The following RTEL1 variants were observed in gnomAD, a reference collection of about 807,000 sequenced individuals.
RTEL1 encodes the protein regulator of telomere elongation helicase 1.
RTEL1 carries 86 observed loss-of-function variants against 162.2 expected under a neutral mutation model. The ratio of observed to expected loss-of-function variants is 0.53; its 90% CI spans 0.45 to 0.63. RTEL1 has a LOEUF of 0.63. Among genes scored for constraint, RTEL1 ranks in the 30% least tolerant of loss-of-function variants. The pLI is 0.00. For missense variants in RTEL1, 1,941 were observed against 1,750.2 expected, an observed-to-expected ratio of 1.11 and a Z score of -1.95; for synonymous variants, 958 against 717.9, an observed-to-expected ratio of 1.33 and a Z score of -5.35.
intron 7 of RTEL1, among the ~76,000 whole-genome samples, chr20:63,666,855 T>C (rs1249441423): frequency 2.3e-4 from 33 of 144,880 alleles, no homozygotes; most frequent in Non-Finnish European, 3.9e-4. Flanking sequence ...TTTTTTTTTT[T>C]TTGAGACGGA....
At chr20:63,684,758 C>G (rs1200080920) in intron 14 of RTEL1, among the ~76,000 whole-genome samples, 1 of 152,132 alleles carries the variant, frequency 6.6e-6, no homozygotes, top group Non-Finnish European at 1.5e-5. Flanking sequence ...CGGGTGTGAG[C>G]CACCACGCCC....
intron 30 of RTEL1, among the ~76,000 whole-genome samples, chr20:63,693,585 ACCACCTCCACCT>A (rs2090865111): frequency 2.5e-4 from 5 of 20,212 alleles, no homozygotes; most frequent in South Asian, 2.0e-3. Context: ...CTCCACCACC[ACCACCTCCACCT>A]CCACCACCAC....
chr20:63,674,019 T>C lies in RTEL1; in HGVS notation c.845T>C (p.Val282Ala). The change falls in exon 10 of 35, where the codon GTG (valine) becomes GCG (alanine). Residue 282 changes from valine to alanine, a missense_variant. By Grantham distance (64) the Val-to-Ala change is moderately conservative. Transcript: ENST00000360203. ...TCAGGACTGGACGTCATAGACCAGG[T>C]GCTGGAGGAGCAGACCAAGGCAGCG... ...LASGLDVIDQ[V>A]LEEQTKAAQQ... The C allele has an allele frequency of 6.2e-7, 1 of 1,614,140 alleles. No individual in the cohort carries two copies. Among genetic ancestry groups the C allele is most frequent in the South Asian group, 1.1e-5 (1 of 91,082 alleles).
chr20:63,688,858 C>T, intron 21 of RTEL1, 197 bp from the exon 22 acceptor site: 1 of 664,990 alleles, frequency 1.5e-6, no homozygotes, highest in Non-Finnish European at 2.6e-6. Flanking sequence ...CCCTGGGGTT[C>T]CCCGTGTTTT....
rs1314353473 is a variant in RTEL1, at chr20:63,668,979, C to T, written c.699+1426C>T. ...CAGCAAGCTCAAGCTGACCCACACG[C>T]ATGTGGTCATTGTTTTTTTTTTCAG... On this transcript the variant is annotated intron_variant, in intron 8 of 34. Transcript: ENST00000360203. The surrounding 1 kb of genome is among the most constrained non-coding windows in gnomAD (Gnocchi z 4.3). Among the ~76,000 whole-genome samples, 1 of 152,136 alleles carries T rather than the reference C, an allele frequency of 6.6e-6. No individual in the cohort carries two copies. The highest frequency in any genetic ancestry group is 2.4e-5 in the African/African-American group (1 of 41,444).
chr20:63,681,778 C>T (rs1233241888), intron 14 of RTEL1: 3 of 985,234 alleles, frequency 3.0e-6, no homozygotes, highest in South Asian at 4.7e-5. Context: ...TGGCCAGTGA[C>T]GCCACAGCCT....
Position 63,678,363 on chromosome 20 carries a change from C to T in RTEL1, c.1037+17C>T, listed in dbSNP as rs2090400518. The T allele has an allele frequency of 6.2e-7, 1 of 1,601,510 alleles. No homozygotes were observed. The highest frequency in any genetic ancestry group is 2.2e-5 in the East Asian group (1 of 44,538). ...GCCAGGGAGGTGAGAGGCGGGGAGC[C>T]AGCCCCTTCACTGCAGGCCCAGCCT... On this transcript the variant is annotated intron_variant, in intron 12 of 34. Transcript: ENST00000360203.
At position 63,692,934 on chromosome 20, in the gene RTEL1, TTC is replaced by T. The variant is rs1568717529; in HGVS notation, c.2783_2784del (p.Phe928CysfsTer13). 1 of 1,612,638 alleles carries T rather than the reference TTC, an allele frequency of 6.2e-7. No homozygotes were observed. The highest frequency in any genetic ancestry group is 1.1e-5 in the South Asian group (1 of 91,088). On this transcript the variant is annotated frameshift_variant, in exon 29 of 35. Transcript: ENST00000360203. LOFTEE classifies it high-confidence loss of function. ...ALQDYKGSDDFAALAACLGPL... is the reference protein window; with the variant it reads ...ALQDYKGSDDXAALAACLGPL... Reference sequence around the variant, plus strand: ...GCAGGACTACAAGGGTTCCGATGACTTCGCCGCCCTGGCCGCCTGTCTCGGCC... The same window carrying T: ...GCAGGACTACAAGGGTTCCGATGACTGCCGCCCTGGCCGCCTGTCTCGGCC...
At chr20:63,660,763 A>C in intron 2 of RTEL1, 1 of 158,832 alleles carries the variant, frequency 6.3e-6, no homozygotes, top group Non-Finnish European at 1.4e-5. Context: ...CATTTCCATT[A>C]GAGGGGCAGC....
Position 63,695,111 on chromosome 20 carries a change from A to G in RTEL1, c.3389A>G (p.Gln1130Arg). 1 of 1,612,320 alleles carries G rather than the reference A, an allele frequency of 6.2e-7. No homozygotes were observed. Among genetic ancestry groups the G allele is most frequent in the South Asian group, 1.1e-5 (1 of 91,084 alleles). ...CCACACCACAAGCAGCGCTTCTCAC[A>G]GACGTGCACAGACCTGACCGGCCGG... ...VRPHHKQRFS[Q>R]TCTDLTGRPY... Residue 1130 changes from glutamine to arginine, a missense_variant, in exon 33 of 35, where the codon CAG becomes CGG. Transcript: ENST00000360203.
chr20:63,662,086 GC>G, intron 4 of RTEL1, 143 bp downstream of exon 4: 1 of 703,924 alleles, frequency 1.4e-6, no homozygotes, highest in Non-Finnish European at 2.4e-6. Flanking sequence ...GAGCGCTGGT[GC>G]CCAGGGGTGG....
chr20:63,690,841 G>C lies in RTEL1; in HGVS notation c.2450G>C (p.Cys817Ser), dbSNP rs750290515. The C allele has an allele frequency of 1.9e-6, 3 of 1,605,758 alleles. No homozygotes were observed. Among genetic ancestry groups the C allele is most frequent in the Non-Finnish European group, 2.5e-6 (3 of 1,177,858 alleles). Residue 817 changes from cysteine (C) to serine (S), a missense_variant, in exon 27 of 35, where the codon TGT becomes TCT. Physicochemically the swap from Cys to Ser is moderately radical, Grantham distance 112 (BLOSUM62 -1). Coordinates refer to ENST00000360203, the MANE Select transcript of RTEL1 (RefSeq NM_001283009.2). ...PAAGDPESSL[C>S]VEYEQEPVPA... ...GCCGGGGACCCCGAGAGTAGCCTGT[G>C]TGTGGAGTATGAGCAGGAGCCAGTT...
At chr20:63,685,959 T>A in intron 16 of RTEL1, 87 bp downstream of exon 16, 1 of 1,292,390 alleles carries the variant, frequency 7.7e-7, no homozygotes, top group Non-Finnish European at 1.1e-6. Context: ...TGCCCAGCCG[T>A]GGATCTCCTG....
chr20:63,687,113 G>A (rs575962248), intron 16 of RTEL1: 2 of 152,784 alleles, frequency 1.3e-5, no homozygotes, highest in African/African-American at 4.8e-5. Context: ...CCCAGGCCAC[G>A]GCCGCCGTGG....
chr20:63,662,059 C>T, intron 4 of RTEL1, 116 bp downstream of exon 4: 2 of 860,262 alleles, frequency 2.3e-6, no homozygotes, highest in Non-Finnish European at 3.8e-6. Flanking sequence ...TTTCTAGACG[C>T]TCCCCCGAAG....
In RTEL1 at chr20:63,687,632, C is replaced by T; in HGVS notation, c.1349-6C>T. On this transcript the variant is annotated splice_polypyrimidine_tract_variant and splice_region_variant and intron_variant, in intron 16 of 34. Transcript: ENST00000360203. ...TCTGTGCCCTCTGCCGCCCCCCGCC[C>T]CACAGGGAAGGTGCTGAGCTACTGG... is the stretch of plus-strand genomic sequence containing the variant. 6.2e-7 allele frequency: 1 copy of T among 1,603,710 alleles called. No individual in the cohort carries two copies. Among genetic ancestry groups the T allele is most frequent in the South Asian group, 1.1e-5 (1 of 90,160 alleles).
At chr20:63,670,968 G>A (rs2090229940) in intron 8 of RTEL1, among the ~76,000 whole-genome samples, 1 of 152,202 alleles carries the variant, frequency 6.6e-6, no homozygotes, top group African/African-American at 2.4e-5. Context: ...GCAGCCACGG[G>A]CGTGGACTGT....
At chr20:63,675,369 A>ACGGGGAC (rs1330829709) in intron 10 of RTEL1, among the ~76,000 whole-genome samples, 1 of 152,160 alleles carries the variant, frequency 6.6e-6, no homozygotes, top group Non-Finnish European at 1.5e-5. Context: ...GACGGACACC[A>ACGGGGAC]CGGGGACCCT....
chr20:63,672,529 G>T, intron 8 of RTEL1, 27 bp from the exon 9 acceptor site: 3 of 1,547,474 alleles, frequency 1.9e-6, no homozygotes, highest in Non-Finnish European at 2.6e-6. Flanking sequence ...GAGCTCCAGC[G>T]CTGCGTCCCT....
Sources: gnomAD v4.1 joint callset for allele counts (sites outside exome capture counted in the v4.1 genomes callset) on GRCh38, gnomAD v4.1.1 for gene constraint, Gnocchi (gnomAD v3.1) non-coding constraint, MANE v1.5 for transcripts, NCBI Gene and HGNC (gene_info 2026-07-23, HGNC 2026-07-21) for gene names.